CCDC122: variants seen among roughly 807,000 people sequenced by gnomAD.
CCDC122 encodes coiled-coil domain containing 122.
In CCDC122, 38 loss-of-function variants were observed where a neutral mutation model predicts 37.0. The ratio of observed to expected loss-of-function variants is 1.03; its 90% CI spans 0.79 to 1.35. The LOEUF (loss-of-function observed/expected upper bound fraction) is 1.35. Ranked by LOEUF, CCDC122 falls within the 40% of genes most tolerant of loss-of-function variation. CCDC122 has a pLI of 0.00. For missense variants in CCDC122, 305 were observed against 310.0 expected (o/e 0.98, Z 0.12); for synonymous variants, 83 against 95.6 (o/e 0.87, Z 0.77).
At chr13:43,861,209 T>C (rs1954093456) in intron 4 of CCDC122, among the ~76,000 whole-genome samples, 1 of 152,178 alleles carries the variant, frequency 6.6e-6, no homozygotes, top group Non-Finnish European at 1.5e-5. Context: ...AGGCATGTCT[T>C]ATGATAATAA....
intron 6 of CCDC122, among the ~76,000 whole-genome samples, chr13:43,851,013 C>T (rs1410517408): frequency 6.6e-6 from 1 of 151,964 alleles, no homozygotes; most frequent in Admixed American, 6.5e-5. Flanking sequence ...AGATTTTGCA[C>T]TAGAAATCAC....
intron 4 of CCDC122, among the ~76,000 whole-genome samples, chr13:43,865,666 T>C (rs1267954763): frequency 6.6e-6 from 1 of 152,270 alleles, no homozygotes; most frequent in East Asian, 1.9e-4. Flanking sequence ...GGTTTCACCA[T>C]GTTGGCCAGG....
chr13:43,873,733 C>G (rs951818978), intron 2 of CCDC122, among the ~76,000 whole-genome samples: 16 of 152,222 alleles, frequency 1.1e-4, no homozygotes, highest in African/African-American at 3.9e-4. Flanking sequence ...TCCAATCACT[C>G]CTTACCAATT....
At chr13:43,846,221 C>T (rs930504713) in intron 6 of CCDC122, among the ~76,000 whole-genome samples, 1 of 151,968 alleles carries the variant, frequency 6.6e-6, no homozygotes, top group Non-Finnish European at 1.5e-5. Flanking sequence ...ATTACAGGTG[C>T]CCGCCACCAC....
chr13:43,863,310 A>G (rs988074544), intron 4 of CCDC122, among the ~76,000 whole-genome samples: 2 of 152,166 alleles, frequency 1.3e-5, no homozygotes, highest in African/African-American at 4.8e-5. Context: ...CAATAAGCAT[A>G]ATTATTTCAA....
Position 43,836,597 on chromosome 13 carries a change from T to C in CCDC122, c.*683A>G, listed in dbSNP as rs1215986051. The stretch of plus-strand genomic sequence containing the variant: ...CGGGCGCGGTGGCTCACGCCTGTAA[T>C]CCCAGCACTTTGGGAGGCCGAGGCG... On this transcript the variant is annotated 3_prime_UTR_variant, in exon 7 of 7. Coordinates refer to ENST00000444614, the MANE Select transcript of CCDC122 (RefSeq NM_144974.5). 2 of 152,062 alleles carry C rather than the reference T, an allele frequency of 1.3e-5. No individual in the cohort carries two copies. The highest frequency in any genetic ancestry group is 2.9e-5 in the Non-Finnish European group (2 of 67,994). The allele number at this position is 152,062 out of a possible 1,614,324, so 9.4% of individuals were successfully genotyped here.
downstream of CCDC122, among the ~76,000 whole-genome samples, chr13:43,834,929 A>G (rs2153868765): frequency 6.6e-6 from 1 of 152,288 alleles, no homozygotes; most frequent in Middle Eastern, 3.4e-3. Context: ...AGAACTAGAA[A>G]TATCATTTGA....
intron 6 of CCDC122, among the ~76,000 whole-genome samples, chr13:43,844,604 A>G (rs1372273118): frequency 6.6e-6 from 1 of 152,102 alleles, no homozygotes; most frequent in Non-Finnish European, 1.5e-5. Context: ...TGATATGACT[A>G]TAGATCTGTC....
At chr13:43,854,388 A>C (rs1953838651) in intron 6 of CCDC122, 1 of 152,184 alleles carries the variant, frequency 6.6e-6, no homozygotes, top group African/African-American at 2.4e-5. Flanking sequence ...GAAATGGATA[A>C]ATTCCTGGAG....
chr13:43,835,785 G>A (rs2153868878), downstream of CCDC122, among the ~76,000 whole-genome samples: 1 of 152,282 alleles, frequency 6.6e-6, no homozygotes, highest in South Asian at 2.1e-4. Flanking sequence ...TAATATGCAA[G>A]TTACATTAAA....
intron 6 of CCDC122, chr13:43,854,147 G>C (rs1345025205): frequency 1.4e-5 from 1 of 73,774 alleles, no homozygotes; most frequent in East Asian, 3.0e-4. Flanking sequence ...AGCTGAAGGA[G>C]ACTGAGACCA....
At chr13:43,847,867 C>G (rs1170677287) in intron 6 of CCDC122, among the ~76,000 whole-genome samples, 1 of 152,152 alleles carries the variant, frequency 6.6e-6, no homozygotes, top group Non-Finnish European at 1.5e-5. Context: ...CTCTTCCTCC[C>G]AGTCTCAAGC....
At chr13:43,830,710 A>G (rs1953081589) in intron 3 of CCDC122, among the ~76,000 whole-genome samples, 1 of 152,212 alleles carries the variant, frequency 6.6e-6, no homozygotes, top group Admixed American at 6.5e-5. Context: ...CAAAGTAAAG[A>G]GATGATAGAT....
chr13:43,822,635 G>A (rs1953002655), downstream of CCDC122, among the ~76,000 whole-genome samples: 1 of 152,332 alleles, frequency 6.6e-6, no homozygotes, highest in Middle Eastern at 3.4e-3. Context: ...CTGTGGCTAA[G>A]CTGGCACTCA....
intron 6 of CCDC122, among the ~76,000 whole-genome samples, chr13:43,839,929 A>G (rs1953287293): frequency 6.6e-6 from 1 of 152,232 alleles, no homozygotes; most frequent in Non-Finnish European, 1.5e-5. Context: ...GAAGAAATTT[A>G]TAGACAAAAA....
At position 43,829,513 on chromosome 13, in the gene CCDC122, C is replaced by T. The variant is rs558066465; in HGVS notation, n.602-5502G>A. ...TAGAGATGGGGTTTTGACATGCTGG[C>T]CAGGCTGTTCTCGAACTTCTGACCT... On this transcript the variant is annotated intron_variant and non_coding_transcript_variant, in intron 3 of 3. Transcript: ENST00000470137. Among the ~76,000 whole-genome samples, 24 of 152,136 alleles carry T rather than the reference C, an allele frequency of 1.6e-4. No individual in the cohort carries two copies. In the South Asian group the frequency reaches 4.8e-3, roughly 30 times the overall value.
At chr13:43,846,942 G>T (rs1043384041) in intron 6 of CCDC122, among the ~76,000 whole-genome samples, 1 of 152,066 alleles carries the variant, frequency 6.6e-6, no homozygotes, top group African/African-American at 2.4e-5. Context: ...GTTACTGAGA[G>T]AAAGTATTAC....
chr13:43,843,807 T>C (rs1293557369), intron 6 of CCDC122, among the ~76,000 whole-genome samples: 2 of 131,480 alleles, frequency 1.5e-5, no homozygotes, highest in African/African-American at 2.7e-5. Flanking sequence ...GAATGCATTT[T>C]CTTCTTGTGT....
chr13:43,838,021 C>T (rs1953222357), intron 6 of CCDC122, among the ~76,000 whole-genome samples: 2 of 152,092 alleles, frequency 1.3e-5, no homozygotes, highest in African/African-American at 4.8e-5. Flanking sequence ...ATAAAACAGA[C>T]ATTGAGCCAT....
Sources: gnomAD v4.1 joint callset for allele counts (sites outside exome capture counted in the v4.1 genomes callset) on GRCh38, gnomAD v4.1.1 for gene constraint, MANE v1.5 for transcripts, NCBI Gene and HGNC (gene_info 2026-07-23, HGNC 2026-07-21) for gene names.